Variants in SCMH1 observed in about 807,000 individuals in gnomAD.
SCMH1 encodes Scm polycomb group protein homolog 1.
In SCMH1, 37 loss-of-function variants were observed where a neutral mutation model predicts 70.8. The observed-to-expected ratio is 0.52, with a 90% CI of 0.40 to 0.69. The LOEUF (loss-of-function observed/expected upper bound fraction) is 0.69, where lower values mean the gene tolerates loss of function less well. SCMH1 is among the 30% of genes least tolerant of loss of function. The pLI is 0.00. For missense variants in SCMH1, 607 were observed against 827.3 expected (o/e 0.73, Z 3.27); for synonymous variants, 292 against 307.4 (o/e 0.95, Z 0.52).
intron 8 of SCMH1, among the ~76,000 whole-genome samples, chr1:41,089,602 TA>T (rs1662733584): frequency 6.6e-6 from 1 of 152,118 alleles, no homozygotes; most frequent in African/African-American, 2.4e-5. Flanking sequence ...GTGAGCCTGT[TA>T]AAACATGCTT....
chr1:41,172,114 G>A (rs1383214334), intron 2 of SCMH1, among the ~76,000 whole-genome samples: 1 of 151,092 alleles, frequency 6.6e-6, no homozygotes, highest in Non-Finnish European at 1.5e-5. Flanking sequence ...TCTTTTGAGA[G>A]GTTAAGGCTG....
At chr1:41,105,950 C>T (rs1458827407) in intron 8 of SCMH1, among the ~76,000 whole-genome samples, 2 of 151,648 alleles carry the variant, frequency 1.3e-5, no homozygotes, top group Non-Finnish European at 1.5e-5. Context: ...TCTTGGCTCA[C>T]TGCAACCTCT....
intron 6 of SCMH1, among the ~76,000 whole-genome samples, chr1:41,141,306 T>C (rs765771124): frequency 1.3e-5 from 2 of 152,224 alleles, no homozygotes; most frequent in Non-Finnish European, 2.9e-5. Context: ...TGTTTATGTA[T>C]TGTCAACAGC....
intron 1 of SCMH1, among the ~76,000 whole-genome samples, chr1:41,226,298 A>T (rs1296604447): frequency 6.6e-6 from 1 of 152,224 alleles, no homozygotes; most frequent in African/African-American, 2.4e-5. Context: ...CATTTAAGGG[A>T]TGATAAATGC....
chr1:41,072,085 G>T (rs1343415329), intron 9 of SCMH1, among the ~76,000 whole-genome samples: 2 of 152,206 alleles, frequency 1.3e-5, no homozygotes, highest in Non-Finnish European at 2.9e-5. Context: ...CCTTCTAGGA[G>T]TATGTTCTCT....
intron 8 of SCMH1, among the ~76,000 whole-genome samples, chr1:41,107,580 C>T (rs190319947): frequency 5.0e-4 from 76 of 152,160 alleles, no homozygotes; most frequent in African/African-American, 1.8e-3. Flanking sequence ...AGTGCAGTGG[C>T]ATGATCTTGG....
chr1:41,084,045 C>T (rs903436071), intron 8 of SCMH1, among the ~76,000 whole-genome samples: 3 of 152,154 alleles, frequency 2.0e-5, no homozygotes, highest in Non-Finnish European at 2.9e-5. Flanking sequence ...CTAGGCATTA[C>T]CATTCAGGAC....
chr1:41,061,276 A>T (rs1652548746), intron 10 of SCMH1, among the ~76,000 whole-genome samples: 1 of 152,200 alleles, frequency 6.6e-6, no homozygotes, highest in African/African-American at 2.4e-5. Context: ...TGTAAATGTA[A>T]ATGATTATTT....
At chr1:41,235,118 G>C (rs1662099481) in intron 1 of SCMH1, among the ~76,000 whole-genome samples, 1 of 152,096 alleles carries the variant, frequency 6.6e-6, no homozygotes, top group African/African-American at 2.4e-5. Context: ...AGTTACATTA[G>C]ATTGAATAGG....
At chr1:41,233,857 G>C (rs920386510) in intron 1 of SCMH1, among the ~76,000 whole-genome samples, 2 of 152,164 alleles carry the variant, frequency 1.3e-5, no homozygotes, top group Non-Finnish European at 2.9e-5. Context: ...CTGCACAAGA[G>C]CACAGACTGT....
At chr1:41,086,670 T>C (rs1044045611) in intron 8 of SCMH1, among the ~76,000 whole-genome samples, 2 of 151,772 alleles carry the variant, frequency 1.3e-5, no homozygotes, top group East Asian at 3.9e-4. Flanking sequence ...CTCAGGAGGC[T>C]GAGGTGGGAG....
At chr1:41,048,054 T>G (rs1357510262) in intron 11 of SCMH1, among the ~76,000 whole-genome samples, 1 of 152,140 alleles carries the variant, frequency 6.6e-6, no homozygotes, top group Non-Finnish European at 1.5e-5. Context: ...GAATATGGAA[T>G]AGCATCAGTT....
intron 1 of SCMH1, among the ~76,000 whole-genome samples, chr1:41,189,500 C>A (rs775014474): frequency 9.9e-5 from 15 of 152,282 alleles, no homozygotes; most frequent in Middle Eastern, 3.4e-3. Flanking sequence ...AGCTCTCCTT[C>A]ATTTACTTTT....
At position 41,048,687 on chromosome 1, in the gene SCMH1, T is replaced by G; in HGVS notation, c.1306+3A>C. 6.2e-7 allele frequency: 1 copy of G among 1,613,614 alleles called. No individual in the cohort carries two copies. The highest frequency in any genetic ancestry group is 8.5e-7 in the Non-Finnish European group (1 of 1,179,916). On this transcript the variant is annotated splice_donor_region_variant and intron_variant, in intron 11 of 14. Coordinates refer to ENST00000337495, the Ensembl canonical transcript of SCMH1. ...GAGGCAATATGAGCCAAAGTGTGCT[T>G]ACCTGAGATAACCTCACCACCATGG...
In SCMH1 at chr1:41,085,857, T is replaced by C. The variant is rs1333000381; in HGVS notation, c.746-10406A>G. On this transcript the variant is annotated intron_variant, in intron 8 of 14. Coordinates refer to ENST00000337495, the Ensembl canonical transcript of SCMH1. ...CACCTGCTTTTTTTTTTTTTTTTTT[T>C]TGAGATGGAGTCTTGCTCTGTTGCC... Among the ~76,000 whole-genome samples, 10 of 143,620 alleles carry C rather than the reference T, an allele frequency of 7.0e-5. No individual in the cohort carries two copies. The East Asian group carries it at 2.0e-3, about 29-fold the overall frequency. 94.2% of individuals were successfully genotyped at this position (143,620 alleles called of 152,430 possible).
chr1:41,233,099 G>T (rs886233003), intron 1 of SCMH1, among the ~76,000 whole-genome samples: 12 of 152,290 alleles, frequency 7.9e-5, no homozygotes, highest in Admixed American at 2.6e-4. Flanking sequence ...AGTGAGAAGA[G>T]ATCTTAGAAA....
chr1:41,139,759 G>T (rs1436091773), intron 6 of SCMH1, among the ~76,000 whole-genome samples: 1 of 152,060 alleles, frequency 6.6e-6, no homozygotes, highest in Non-Finnish European at 1.5e-5. Flanking sequence ...TAAACTATAG[G>T]ATTAAAAAGA....
intron 1 of SCMH1, among the ~76,000 whole-genome samples, chr1:41,213,918 G>A (rs1657573338): frequency 6.6e-6 from 1 of 151,806 alleles, no homozygotes; most frequent in African/African-American, 2.4e-5. Flanking sequence ...AATTATTTCA[G>A]TGAAGCTGCT....
intron 6 of SCMH1, among the ~76,000 whole-genome samples, chr1:41,135,538 T>C (rs926333206): frequency 1.3e-5 from 2 of 152,186 alleles, no homozygotes; most frequent in Non-Finnish European, 2.9e-5. Context: ...CCTTCCACCA[T>C]GAATGTAAGT....
Sources: allele counts gnomAD v4.1 joint callset (sites outside exome capture counted in the v4.1 genomes callset), GRCh38; gene constraint gnomAD v4.1.1; transcripts MANE v1.5; gene names NCBI Gene and HGNC (gene_info 2026-07-23, HGNC 2026-07-21).